Variants in KCNQ3 observed in about 807,000 individuals in gnomAD.
KCNQ3 encodes the protein potassium voltage-gated channel subfamily KQT member 3.
Under a neutral mutation model 92.5 loss-of-function variants are expected in KCNQ3, and 30 were observed. That is an observed-to-expected ratio of 0.32 (90% confidence interval 0.24 to 0.44). KCNQ3 has a LOEUF of 0.44. Ranked by LOEUF, KCNQ3 falls within the 20% of genes least tolerant of loss-of-function variation. The pLI is 1.00. For missense variants in KCNQ3, 913 were observed against 1,140.3 expected, an observed-to-expected ratio of 0.80 and a Z score of 2.87; for synonymous variants, 450 against 468.8, an observed-to-expected ratio of 0.96 and a Z score of 0.52.
intron 1 of KCNQ3, among the ~76,000 whole-genome samples, chr8:132,273,978 A>G (rs1318664907): frequency 6.6e-6 from 1 of 151,984 alleles, no homozygotes; most frequent in African/African-American, 2.4e-5. Flanking sequence ...GGCAGTTCCA[A>G]ACTTTCCCAC....
At chr8:132,457,777 C>G (rs1018192252) in intron 1 of KCNQ3, among the ~76,000 whole-genome samples, 1 of 152,192 alleles carries the variant, frequency 6.6e-6, no homozygotes, top group African/African-American at 2.4e-5. Flanking sequence ...GCTGAACAAC[C>G]ATTCTGCTAT....
At chr8:132,420,038 G>T (rs1420886933) in intron 1 of KCNQ3, among the ~76,000 whole-genome samples, 1 of 152,190 alleles carries the variant, frequency 6.6e-6, no homozygotes, top group East Asian at 1.9e-4. Flanking sequence ...GATACTGGAA[G>T]TCCAAGATCA....
chr8:132,358,870 C>G (rs1819086846), intron 1 of KCNQ3, among the ~76,000 whole-genome samples: 1 of 152,158 alleles, frequency 6.6e-6, no homozygotes, highest in Non-Finnish European at 1.5e-5. Context: ...CCAAGGATCC[C>G]TGGCCTACAT....
intron 1 of KCNQ3, among the ~76,000 whole-genome samples, chr8:132,416,241 A>C (rs1310504536): frequency 2.0e-5 from 3 of 152,212 alleles, no homozygotes; most frequent in Non-Finnish European, 2.9e-5. Context: ...TATTTCTCTA[A>C]ACACCATCTC....
chr8:132,157,390 C>CTA (rs773980681), intron 9 of KCNQ3, among the ~76,000 whole-genome samples: 1 of 152,206 alleles, frequency 6.6e-6, no homozygotes, highest in Non-Finnish European at 1.5e-5. Flanking sequence ...ACTAGCTTCT[C>CTA]TACATGGAAG....
intron 1 of KCNQ3, among the ~76,000 whole-genome samples, chr8:132,242,322 G>A (rs1174365744): frequency 6.6e-6 from 1 of 152,182 alleles, no homozygotes; most frequent in East Asian, 1.9e-4. Flanking sequence ...ACCCTGTGTA[G>A]GAATTGGAGG....
chr8:132,200,350 C>A (rs73356970), intron 1 of KCNQ3, among the ~76,000 whole-genome samples: 4,190 of 151,386 alleles, frequency 0.028, 226 homozygotes, highest in African/African-American at 0.099. Context: ...TGTGATGGAG[C>A]AGAAGACCTG....
intron 1 of KCNQ3, among the ~76,000 whole-genome samples, chr8:132,285,305 AG>A (rs1816648946): frequency 6.6e-6 from 1 of 152,204 alleles, no homozygotes; most frequent in Non-Finnish European, 1.5e-5. Flanking sequence ...AGGTTGGTTA[AG>A]TGGTCATGAC....
intron 1 of KCNQ3, among the ~76,000 whole-genome samples, chr8:132,301,527 C>T (rs1817216633): frequency 6.6e-6 from 1 of 152,098 alleles, no homozygotes; most frequent in Non-Finnish European, 1.5e-5. Flanking sequence ...AATTAAACAA[C>T]TAATTAAAGA....
intron 11 of KCNQ3, among the ~76,000 whole-genome samples, chr8:132,139,466 T>A (rs144755830): frequency 0.012 from 1,812 of 152,344 alleles, 17 homozygotes; most frequent in Non-Finnish European, 0.019. Flanking sequence ...AATACCATGA[T>A]CAGTTGGAGA....
intron 8 of KCNQ3, among the ~76,000 whole-genome samples, chr8:132,165,135 T>G (rs534144623): frequency 6.6e-6 from 1 of 152,182 alleles, no homozygotes; most frequent in Non-Finnish European, 1.5e-5. Context: ...CTACACTCAC[T>G]GAACCCACTT....
At chr8:132,407,068 C>A (rs192024349) in intron 1 of KCNQ3, among the ~76,000 whole-genome samples, 3 of 152,320 alleles carry the variant, frequency 2.0e-5, no homozygotes, top group African/African-American at 4.8e-5. Flanking sequence ...AATGCCTCTG[C>A]GCCCATGCCT....
rs145818753 is a variant in KCNQ3 at position 132,344,455 on chromosome 8, T to C, written c.386+135692A>G. ...ATAAGACAGACATTTAGTGAGTTTGTTCTAAGTGCTGAGCACTGTTCTGAG... is the reference window on the plus strand; with the variant it reads ...ATAAGACAGACATTTAGTGAGTTTGCTCTAAGTGCTGAGCACTGTTCTGAG... On this transcript the variant is annotated intron_variant, in intron 1 of 14. Transcript: ENST00000388996. Among the ~76,000 whole-genome samples, 1,101 of 152,308 alleles carry C rather than the reference T, an allele frequency of 7.2e-3. 13 individuals carry two copies. The highest frequency in any genetic ancestry group is 0.019 in the African/African-American group (803 of 41,544).
At chr8:132,444,749 G>C (rs12547258) in intron 1 of KCNQ3, among the ~76,000 whole-genome samples, 5,358 of 152,304 alleles carry the variant, frequency 0.035, 288 homozygotes, top group East Asian at 0.22. Flanking sequence ...ATTGCAGAGA[G>C]CGTGGGATTT....
chr8:132,454,358 T>C (rs2130852528), intron 1 of KCNQ3, among the ~76,000 whole-genome samples: 1 of 152,352 alleles, frequency 6.6e-6, no homozygotes, highest in East Asian at 1.9e-4. Flanking sequence ...TAAAATTATG[T>C]ACAGTGTGCC....
At chr8:132,415,721 T>G (rs779833489) in intron 1 of KCNQ3, among the ~76,000 whole-genome samples, 8 of 152,094 alleles carry the variant, frequency 5.3e-5, no homozygotes, top group Non-Finnish European at 1.0e-4. Flanking sequence ...TAACTGTGCA[T>G]TCTCAACGGG....
At chr8:132,408,861 A>G (rs983826679) in intron 1 of KCNQ3, among the ~76,000 whole-genome samples, 2 of 152,170 alleles carry the variant, frequency 1.3e-5, no homozygotes, top group Non-Finnish European at 2.9e-5. Flanking sequence ...ACTGCAAGGA[A>G]CTGAACTCTG....
At chr8:132,440,086 C>T (rs565459140) in intron 1 of KCNQ3, among the ~76,000 whole-genome samples, 1 of 152,306 alleles carries the variant, frequency 6.6e-6, no homozygotes, top group African/African-American at 2.4e-5. Context: ...AATGCAAATG[C>T]TATGTCAGTA....
chr8:132,171,401 A>T (rs916504185), intron 7 of KCNQ3, among the ~76,000 whole-genome samples: 1 of 152,018 alleles, frequency 6.6e-6, no homozygotes, highest in Non-Finnish European at 1.5e-5. Context: ...TAGACAGGAC[A>T]CTCTGCTTTC....
Sources: gnomAD v4.1 joint callset for allele counts (sites outside exome capture counted in the v4.1 genomes callset) on GRCh38, gnomAD v4.1.1 for gene constraint, MANE v1.5 for transcripts, NCBI Gene and HGNC (gene_info 2026-07-23, HGNC 2026-07-21) for gene names.